SDAD1: variants seen among roughly 807,000 people sequenced by gnomAD.
The protein encoded by SDAD1 is SDA1 domain containing 1.
A neutral mutation model predicts 100.3 loss-of-function variants in SDAD1; 79 were observed. The observed-to-expected ratio is 0.79, with a 90% CI of 0.66 to 0.95. The LOEUF (loss-of-function observed/expected upper bound fraction) is 0.95. SDAD1 is among the 40% of genes least tolerant of loss of function. The pLI, the probability that SDAD1 is intolerant of heterozygous loss-of-function variation, is 0.00. For synonymous variants in SDAD1, 267 were observed against 271.4 expected, an observed-to-expected ratio of 0.98 and a Z score of 0.16; for missense variants, 790 against 810.9, an observed-to-expected ratio of 0.97 and a Z score of 0.31.
chr4:75,959,122 A>AAC (rs1729085324), intron 17 of SDAD1, among the ~76,000 whole-genome samples: 1 of 149,950 alleles, frequency 6.7e-6, no homozygotes, highest in African/African-American at 2.5e-5. Context: ...AAAAAAAAAA[A>AAC]AAAAAACCTA....
At chr4:75,985,208 G>C (rs1730820385) in intron 1 of SDAD1, among the ~76,000 whole-genome samples, 1 of 152,016 alleles carries the variant, frequency 6.6e-6, no homozygotes, top group Admixed American at 6.6e-5. Flanking sequence ...CAAGAGCCCA[G>C]TATTCCCTGG....
chr4:75,981,784 G>T, intron 2 of SDAD1, 149 bp downstream of exon 2: 1 of 708,126 alleles, frequency 1.4e-6, no homozygotes, highest in Non-Finnish European at 2.3e-6. Context: ...TCATGATAGG[G>T]AGAAAATAAA....
intron 4 of SDAD1, 80 bp downstream of exon 4, chr4:75,977,566 A>C (rs1730222122): frequency 1.1e-6 from 1 of 869,692 alleles, no homozygotes; most frequent in Non-Finnish European, 1.9e-6. Context: ...TAACAATGTA[A>C]AGCATCGATA....
chr4:75,955,581 G>C (rs560174597), intron 21 of SDAD1, among the ~76,000 whole-genome samples: 7 of 152,224 alleles, frequency 4.6e-5, no homozygotes, highest in Non-Finnish European at 2.9e-5. Flanking sequence ...AGAAAACCAG[G>C]CATAAAATTG....
At chr4:75,986,088 A>G in intron 1 of SDAD1, among the ~76,000 whole-genome samples, 1 of 152,168 alleles carries the variant, frequency 6.6e-6, no homozygotes, top group East Asian at 1.9e-4. Flanking sequence ...TGGTTGGAGA[A>G]AATCGGCTAA....
At chr4:75,981,331 A>G (rs1482077500) in intron 3 of SDAD1, 41 bp downstream of exon 3, 9 of 1,587,404 alleles carry the variant, frequency 5.7e-6, no homozygotes, top group South Asian at 1.1e-5. Flanking sequence ...CGCAGCACAC[A>G]TGAACACAGC....
intron 9 of SDAD1, among the ~76,000 whole-genome samples, chr4:75,970,862 T>G (rs1215946394): frequency 6.6e-6 from 1 of 152,198 alleles, no homozygotes; most frequent in Non-Finnish European, 1.5e-5. Flanking sequence ...GCCTCCCCTT[T>G]GCCTTTCCCC....
chr4:75,972,419 CACAA>C (rs1224716804), intron 8 of SDAD1, among the ~76,000 whole-genome samples: 8 of 149,874 alleles, frequency 5.3e-5, no homozygotes, highest in South Asian at 2.1e-4. Context: ...AAAAAAAACA[CACAA>C]ACAAAGACTG....
At chr4:75,966,306 ACACACACT>A (rs1411417774) in intron 12 of SDAD1, among the ~76,000 whole-genome samples, 168 of 151,334 alleles carry the variant, frequency 1.1e-3, no homozygotes, top group African/African-American at 3.9e-3. Context: ...ACACACACAC[ACACACACT>A]GTCTCTTTTC....
chr4:75,975,685 G>A (rs1022011352), intron 6 of SDAD1, 59 bp downstream of exon 6: 1 of 1,126,140 alleles, frequency 8.9e-7, no homozygotes, highest in Non-Finnish European at 1.3e-6. Flanking sequence ...TATGTGCTCT[G>A]TATTAATTAC....
At chr4:75,953,890 G>A (rs1336237719) in intron 21 of SDAD1, among the ~76,000 whole-genome samples, 1 of 152,148 alleles carries the variant, frequency 6.6e-6, no homozygotes, top group East Asian at 1.9e-4. Flanking sequence ...TGAAATAAAT[G>A]AGCTGCCTAA....
At chr4:75,979,826 T>A (rs917423335) in intron 3 of SDAD1, among the ~76,000 whole-genome samples, 1 of 152,086 alleles carries the variant, frequency 6.6e-6, no homozygotes, top group Non-Finnish European at 1.5e-5. Context: ...ATACACATTT[T>A]TTTCCATTTA....
Position 75,967,297 on chromosome 4 carries a change from A to G in SDAD1, c.1025T>C (p.Phe342Ser). The change falls in exon 12 of 22, where the codon TTT (phenylalanine) becomes TCT (serine). Residue 342 changes from phenylalanine to serine, a missense_variant. Phe to Ser is a radical substitution (Grantham distance 155). Transcript: ENST00000356260. ...LFNFYPFLQRFLQPHQREVTK... is the reference protein window; with the variant it reads ...LFNFYPFLQRSLQPHQREVTK... ...CTTACCTCTTTGGTGGGGCTGCAGA[A>G]ACCTTTGCAAAAAGGGATAGAAATT... The G allele has an allele frequency of 2.5e-6, 4 of 1,614,188 alleles. No homozygotes were observed. The South Asian group carries it at 3.3e-5, about 13-fold the overall frequency.
Position 75,982,047 on chromosome 4 carries a change from A to G in SDAD1, c.91-10T>C. 1.3e-6 allele frequency: 2 copies of G among 1,549,834 alleles called. No individual in the cohort carries two copies. Among genetic ancestry groups the G allele is most frequent in the Non-Finnish European group, 1.8e-6 (2 of 1,130,452 alleles). ...TATACTGCTGTAGAAACTGCAGAAA[A>G]ATAAAATTTAAGTTTGTCACATTGT... On this transcript the variant is annotated splice_polypyrimidine_tract_variant and intron_variant, in intron 1 of 21. Transcript: ENST00000356260.
chr4:75,957,318 C>T lies in SDAD1; in HGVS notation c.1854+7G>A, dbSNP rs773507112. On this transcript the variant is annotated splice_region_variant and intron_variant, in intron 20 of 21. Coordinates refer to ENST00000356260, the MANE Select transcript of SDAD1 (RefSeq NM_018115.4). ...TTTAAAAAACTAGGAATGATATGCT[C>T]ACTCACCATTGCAGTTGCTAGTCTT... The T allele has an allele frequency of 1.2e-6, 2 of 1,610,616 alleles. No homozygotes were observed. Among genetic ancestry groups the T allele is most frequent in the Admixed American group, 3.3e-5 (2 of 59,810 alleles).
At position 75,957,654 on chromosome 4, in the gene SDAD1, T is replaced by C. The variant is rs372514480; in HGVS notation, c.1633A>G (p.Ile545Val). The C allele has an allele frequency of 5.9e-5, 96 of 1,614,106 alleles. No individual in the cohort carries two copies. The East Asian group carries it at 6.0e-4, about 10-fold the overall frequency. ...MEERKAKAAA[I>V]STSRVLTQED... ...TGAGTTAAAACTCGGCTAGTGCTGA[T>C]GGCTGCAGCTTTGGCCTTCCGCTCC... Residue 545 changes from isoleucine (I) to valine (V), a missense_variant, in exon 19 of 22, where the codon ATC (isoleucine) becomes GTC (valine). Transcript: ENST00000356260.
Position 75,967,223 on chromosome 4 carries a change from C to T in SDAD1, c.1045+54G>A, listed in dbSNP as rs1729597070. The T allele has an allele frequency of 8.6e-6, 13 of 1,514,152 alleles. No individual in the cohort carries two copies. The South Asian group carries it at 1.3e-4, about 16-fold the overall frequency. The allele number at this position is 1,514,152 out of a possible 1,614,324, so 93.8% of individuals were successfully genotyped here. A position where few individuals can be genotyped will look rare whatever the true frequency, so the allele number is the denominator to read the frequency against. ...AGTGATTCCAGAACAAAAGACTTTG[C>T]ATGTTTATTCTATTACCAAGGCCAC... On this transcript the variant is annotated intron_variant, in intron 12 of 21. Coordinates refer to ENST00000356260, the MANE Select transcript of SDAD1 (RefSeq NM_018115.4).
In SDAD1 at chr4:75,981,364, G is replaced by A. The variant is rs185632497; in HGVS notation, c.294+8C>T. On this transcript the variant is annotated splice_region_variant and intron_variant, in intron 3 of 21. Transcript: ENST00000356260. Reference sequence around the variant, plus strand: ...AGCACAATTTATTCATCCAACTACTGGTCCTACCATTCGCAGATCTGGATC... The same window carrying A: ...AGCACAATTTATTCATCCAACTACTAGTCCTACCATTCGCAGATCTGGATC... The A allele has an allele frequency of 1.7e-5, 27 of 1,612,974 alleles. No homozygotes were observed. In the East Asian group the frequency reaches 4.5e-4, roughly 27 times the overall value.
chr4:75,990,714 C>T (rs1297315042), intron 1 of SDAD1, 38 bp downstream of exon 1: 2 of 1,612,728 alleles, frequency 1.2e-6, no homozygotes, highest in Admixed American at 1.7e-5. Flanking sequence ...CAACCATCCA[C>T]TATCCGGCCT....
Sources: gnomAD v4.1 joint callset for allele counts (sites outside exome capture counted in the v4.1 genomes callset) on GRCh38, gnomAD v4.1.1 for gene constraint, MANE v1.5 for transcripts, NCBI Gene and HGNC (gene_info 2026-07-23, HGNC 2026-07-21) for gene names.